LRMDA: variants seen among roughly 807,000 people sequenced by gnomAD.
LRMDA encodes leucine-rich melanocyte differentiation-associated protein.
A neutral mutation model predicts 29.8 loss-of-function variants in LRMDA; 18 were observed. That is an observed-to-expected ratio of 0.60 (90% CI 0.42 to 0.90). The LOEUF (loss-of-function observed/expected upper bound fraction) is 0.90, where lower values mean the gene tolerates loss of function less well. Ranked by LOEUF, LRMDA falls within the 40% of genes least tolerant of loss-of-function variation. LRMDA has a pLI of 0.00. For synonymous variants in LRMDA, 125 were observed against 109.4 expected (o/e 1.14, Z -0.89); for missense variants, 273 against 273.9 (o/e 1.00, Z 0.02).
intron 6 of LRMDA, among the ~76,000 whole-genome samples, chr10:76,509,847 G>T (rs1282038916): frequency 6.6e-6 from 1 of 152,122 alleles, no homozygotes; most frequent in Non-Finnish European, 1.5e-5. Context: ...TGTGTGTATT[G>T]GGTTGGGGGA....
At chr10:76,433,222 C>T (rs950374412) in intron 6 of LRMDA, among the ~76,000 whole-genome samples, 3 of 152,166 alleles carry the variant, frequency 2.0e-5, no homozygotes, top group African/African-American at 2.4e-5. Context: ...TGCCTGGAGC[C>T]GCCAGTGTAG....
chr10:76,287,907 G>A lies in LRMDA; in HGVS notation c.517-36494G>A, dbSNP rs554836971. Reference sequence around the variant, plus strand: ...GTGGTTTGGGATTCATTTTGCATTAGAGAAATGACAAAGACCCAGAAAACA... The same window carrying A: ...GTGGTTTGGGATTCATTTTGCATTAAAGAAATGACAAAGACCCAGAAAACA... On this transcript the variant is annotated intron_variant, in intron 5 of 6. Coordinates refer to ENST00000611255, the MANE Select transcript of LRMDA (RefSeq NM_001305581.2). 2.6e-5 allele frequency among the ~76,000 whole-genome samples: 4 copies of A among 152,256 alleles called. No homozygotes were observed. In the East Asian group the frequency reaches 5.8e-4, roughly 22 times the overall value.
At chr10:75,937,487 G>C (rs968776688) in intron 2 of LRMDA, among the ~76,000 whole-genome samples, 3 of 152,188 alleles carry the variant, frequency 2.0e-5, no homozygotes, top group African/African-American at 7.2e-5. Context: ...AATTGTTTGA[G>C]CATGTGAAAG....
intron 2 of LRMDA, among the ~76,000 whole-genome samples, chr10:75,740,263 G>A (rs1217724802): frequency 2.6e-5 from 4 of 152,206 alleles, no homozygotes; most frequent in East Asian, 3.9e-4. Flanking sequence ...GACGCAGACC[G>A]ACGGGAGCTG....
At chr10:75,905,015 G>A (rs1306186937) in intron 2 of LRMDA, among the ~76,000 whole-genome samples, 2 of 152,148 alleles carry the variant, frequency 1.3e-5, no homozygotes, top group African/African-American at 2.4e-5. Flanking sequence ...AAAAAAAAGT[G>A]CACACTCTAT....
At chr10:76,165,180 C>T (rs967776477) in intron 5 of LRMDA, among the ~76,000 whole-genome samples, 2 of 152,242 alleles carry the variant, frequency 1.3e-5, no homozygotes, top group Admixed American at 1.3e-4. Flanking sequence ...ACTATGTTGG[C>T]CAGGCTGGTC....
chr10:75,917,884 A>G (rs1401620651), intron 2 of LRMDA, among the ~76,000 whole-genome samples: 1 of 152,176 alleles, frequency 6.6e-6, no homozygotes, highest in African/African-American at 2.4e-5. Context: ...TGCTTGCAGG[A>G]GCAGCATCCT....
At chr10:75,691,557 T>G (rs1735990449) in intron 2 of LRMDA, among the ~76,000 whole-genome samples, 1 of 152,148 alleles carries the variant, frequency 6.6e-6, no homozygotes. Context: ...CATTCTCACA[T>G]AGTTTACTGT....
chr10:75,722,615 C>T (rs1338508971), intron 2 of LRMDA, among the ~76,000 whole-genome samples: 1 of 152,102 alleles, frequency 6.6e-6, no homozygotes, highest in Non-Finnish European at 1.5e-5. Context: ...CAACTGGAGC[C>T]ACAAATCTGA....
At chr10:76,047,570 T>C (rs554929564) in intron 4 of LRMDA, among the ~76,000 whole-genome samples, 6 of 152,360 alleles carry the variant, frequency 3.9e-5, no homozygotes, top group African/African-American at 1.4e-4. Flanking sequence ...CCAAGTTACA[T>C]GGACTTGTCA....
chr10:76,151,859 T>C (rs1431607036), intron 5 of LRMDA, among the ~76,000 whole-genome samples: 3 of 152,198 alleles, frequency 2.0e-5, no homozygotes, highest in African/African-American at 4.8e-5. Context: ...CCAATCCTTA[T>C]AGTTTTTATT....
intron 2 of LRMDA, among the ~76,000 whole-genome samples, chr10:76,034,182 T>A (rs562609567): frequency 1.1e-4 from 16 of 152,180 alleles, no homozygotes; most frequent in African/African-American, 3.4e-4. Flanking sequence ...TGTGGGTTTT[T>A]AAATTTTTTT....
At chr10:75,880,406 A>G (rs1471460812) in intron 2 of LRMDA, among the ~76,000 whole-genome samples, 1 of 152,264 alleles carries the variant, frequency 6.6e-6, no homozygotes, top group Non-Finnish European at 1.5e-5. Flanking sequence ...TTTTCACGCT[A>G]ACATTTTACA....
At chr10:76,420,115 A>C (rs2132519333) in intron 6 of LRMDA, among the ~76,000 whole-genome samples, 1 of 151,992 alleles carries the variant, frequency 6.6e-6, no homozygotes, top group East Asian at 1.9e-4. Flanking sequence ...TATTCTTTGG[A>C]AGAGTTCATT....
At chr10:76,449,989 G>T (rs571574872) in intron 6 of LRMDA, among the ~76,000 whole-genome samples, 2 of 152,072 alleles carry the variant, frequency 1.3e-5, no homozygotes, top group South Asian at 4.1e-4. Flanking sequence ...TTCCTAAAAA[G>T]TTAATTGATT....
intron 2 of LRMDA, among the ~76,000 whole-genome samples, chr10:75,757,625 A>G (rs1227145085): frequency 6.6e-6 from 1 of 151,956 alleles, no homozygotes; most frequent in African/African-American, 2.4e-5. Context: ...GTGCAATGAG[A>G]TCATAGTGGA....
chr10:75,454,987 T>C (rs1253025624), intron 2 of LRMDA, among the ~76,000 whole-genome samples: 1 of 152,208 alleles, frequency 6.6e-6, no homozygotes, highest in African/African-American at 2.4e-5. Context: ...GCTTTTCTTA[T>C]CTTCTTCCTC....
At chr10:76,469,690 G>A (rs1842598805) in intron 6 of LRMDA, among the ~76,000 whole-genome samples, 1 of 151,998 alleles carries the variant, frequency 6.6e-6, no homozygotes, top group South Asian at 2.1e-4. Flanking sequence ...GTAATTAAGA[G>A]GAGACTAATA....
chr10:75,866,122 A>G (rs1845014709), intron 2 of LRMDA, among the ~76,000 whole-genome samples: 1 of 152,192 alleles, frequency 6.6e-6, no homozygotes, highest in Non-Finnish European at 1.5e-5. Flanking sequence ...CTGGCAGCCC[A>G]GGCTACTCCC....
Sources: allele counts gnomAD v4.1 joint callset (sites outside exome capture counted in the v4.1 genomes callset), GRCh38; gene constraint gnomAD v4.1.1; transcripts MANE v1.5; gene names NCBI Gene and HGNC (gene_info 2026-07-23, HGNC 2026-07-21).